The following LRRC19 variants were observed in gnomAD, a reference collection of about 807,000 sequenced individuals.
The protein encoded by LRRC19 is leucine rich repeat containing 19, also known as leucine-rich repeat-containing protein 19.
Under a neutral mutation model 33.3 loss-of-function variants are expected in LRRC19, and 33 were observed. The ratio of observed to expected loss-of-function variants is 0.99; its 90% confidence interval spans 0.75 to 1.33. LRRC19 has a LOEUF of 1.33. LRRC19 is among the 40% of genes most tolerant of loss of function. LRRC19 has a pLI of 0.00. For missense variants in LRRC19, 463 were observed against 417.3 expected (o/e 1.11, Z -0.95); for synonymous variants, 184 against 152.3 (o/e 1.21, Z -1.53).
chr9:26,993,440 A>C lies in LRRC19; in HGVS notation c.*2081T>G, dbSNP rs1827978273. 1 of 152,544 alleles carries C rather than the reference A, an allele frequency of 6.6e-6. No individual in the cohort carries two copies. The highest frequency in any genetic ancestry group is 1.5e-5 in the Non-Finnish European group (1 of 68,004). 9.4% of individuals were successfully genotyped at this position (152,544 alleles called of 1,614,324 possible). A position where few individuals can be genotyped will look rare whatever the true frequency, so the allele number is the denominator to read the frequency against. On this transcript the variant is annotated 3_prime_UTR_variant, in exon 5 of 5. Coordinates refer to ENST00000380055, the MANE Select transcript of LRRC19 (RefSeq NM_022901.3). ...TATACTTATATCCTTTGTTGAAAACATGTGTCTGTAAACACAAGCAAATAT... is the reference window on the plus strand; with the variant it reads ...TATACTTATATCCTTTGTTGAAAACCTGTGTCTGTAAACACAAGCAAATAT...
chr9:26,999,463 A>G (rs575668839), intron 2 of LRRC19, 151 bp downstream of exon 2: 27 of 444,590 alleles, frequency 6.1e-5, no homozygotes, highest in Non-Finnish European at 1.0e-4. Flanking sequence ...TGCTTTTGTC[A>G]AATTGGAATT....
At chr9:27,003,769 G>A (rs1828629456) in intron 1 of LRRC19, among the ~76,000 whole-genome samples, 1 of 152,196 alleles carries the variant, frequency 6.6e-6, no homozygotes, top group African/African-American at 2.4e-5. Flanking sequence ...AAATTTGGAT[G>A]TAGATCATAA....
At position 26,995,860 on chromosome 9, in the gene LRRC19, A is replaced by AAAGT; in HGVS notation, c.785-12_785-11insACTT. Reference sequence around the variant, plus strand: ...CAAGAGGTTCATGTTCTTTAATGGAATACCAAGAGAGGAGAGAGAAAGAAA... The same window carrying AAAGT: ...CAAGAGGTTCATGTTCTTTAATGGAAAAGTTACCAAGAGAGGAGAGAGAAAGAAA... On this transcript the variant is annotated splice_polypyrimidine_tract_variant and intron_variant, in intron 4 of 4. Coordinates refer to ENST00000380055, the MANE Select transcript of LRRC19 (RefSeq NM_022901.3). 5 of 1,573,112 alleles carry AAAGT rather than the reference A, an allele frequency of 3.2e-6. No individual in the cohort carries two copies. Among genetic ancestry groups the AAAGT allele is most frequent in the Non-Finnish European group, 4.3e-6 (5 of 1,160,492 alleles).
intron 2 of LRRC19, 34 bp from the exon 3 acceptor site, chr9:26,998,275 GA>G (rs745958654): frequency 4.5e-5 from 55 of 1,212,604 alleles, no homozygotes; most frequent in African/African-American, 9.4e-5. Context: ...GCATTAATCA[GA>G]AAAAAAATTA....
In LRRC19 at chr9:26,998,160, T is replaced by G; in HGVS notation, c.163A>C (p.Ser55Arg). 3 of 1,600,134 alleles carry G rather than the reference T, an allele frequency of 1.9e-6. No individual in the cohort carries two copies. The highest frequency in any genetic ancestry group is 2.6e-6 in the Non-Finnish European group (3 of 1,169,816). ...CCATTAAGAGTAATTTGGTTATAAC[T>G]GAGATCAAGTATAGTAACATCTTTC... is the stretch of plus-strand genomic sequence containing the variant. The part of the protein sequence containing the change: ...IKKDVTILDL[S>R]YNQITLNGTD... Residue 55 changes from serine (S) to arginine (R), a missense_variant, in exon 3 of 5, where the codon AGT becomes CGT. Coordinates refer to ENST00000380055, the MANE Select transcript of LRRC19 (RefSeq NM_022901.3).
In LRRC19 at chr9:26,997,925, A is replaced by G. The variant is rs775333943; in HGVS notation, c.398T>C (p.Ile133Thr). The G allele has an allele frequency of 2.5e-6, 4 of 1,613,976 alleles. No individual in the cohort carries two copies. The highest frequency in any genetic ancestry group is 2.2e-5 in the East Asian group (1 of 44,858). ...LKQLYLCQNK[I>T]EQLNADVFVP... The stretch of plus-strand genomic sequence containing the variant: ...AAATACATCAGCATTCAGTTGTTCT[A>G]TTTTGTTTTGGCAGAGATATAACTG... The change falls in exon 3 of 5, where the codon ATA becomes ACA. Residue 133 changes from isoleucine (I) to threonine (T), a missense_variant. Transcript: ENST00000380055.
chr9:26,995,836 A>G lies in LRRC19; in HGVS notation c.798T>C (p.Leu266=). The G allele has an allele frequency of 6.2e-7, 1 of 1,603,746 alleles. No homozygotes were observed. Among genetic ancestry groups the G allele is most frequent in the Non-Finnish European group, 8.5e-7 (1 of 1,174,912 alleles). Residue 266 remains leucine (L), a synonymous_variant, in exon 5 of 5, where the codon CTT becomes CTC. Transcript: ENST00000380055. ...NLTRNSEHEP[L]GKSWAFLVGV... is the part of the protein sequence containing the mutation. ...CAACAAGAAAAGCCCAACTTTTTCC[A>G]AGAGGTTCATGTTCTTTAATGGAAT...
In LRRC19 at chr9:26,998,058, G is replaced by T; in HGVS notation, c.265C>A (p.His89Asn). ...YLIENKVTIL[H>N]NNGFGNLSSL... ...GAGAGGTTACCAAAACCGTTATTAT[G>T]TAAGATAGTAACCTTGTTCTCAATC... The change falls in exon 3 of 5, where the codon CAT becomes AAT. Residue 89 changes from histidine to asparagine, a missense_variant. His to Asn is a moderately conservative substitution (Grantham distance 68, BLOSUM62 1). Transcript: ENST00000380055. 1 of 1,612,824 alleles carries T rather than the reference G, an allele frequency of 6.2e-7. No homozygotes were observed. The highest frequency in any genetic ancestry group is 8.5e-7 in the Non-Finnish European group (1 of 1,179,012).
Position 26,993,822 on chromosome 9 carries a change from C to T in LRRC19, c.*1699G>A, listed in dbSNP as rs987893306. On this transcript the variant is annotated 3_prime_UTR_variant, in exon 5 of 5. Transcript: ENST00000380055. Reference sequence around the variant, plus strand: ...TACCTCTAGCCACTGTTCCATTCCACGTGTTATAATGAAGAAAATACCAGA... The same window carrying T: ...TACCTCTAGCCACTGTTCCATTCCATGTGTTATAATGAAGAAAATACCAGA... 9 of 152,020 alleles carry T rather than the reference C, an allele frequency of 5.9e-5. No individual in the cohort carries two copies. Among genetic ancestry groups the T allele is most frequent in the African/African-American group, 1.7e-4 (7 of 41,388 alleles). The allele number at this position is 152,020 out of a possible 1,614,324, so 9.4% of individuals were successfully genotyped here. A position where few individuals can be genotyped will look rare whatever the true frequency, so the allele number is the denominator to read the frequency against.
Position 26,996,510 on chromosome 9 carries a change from A to C in LRRC19, c.596-11T>G, listed in dbSNP as rs1828166920. Reference sequence around the variant, plus strand: ...TGATGTTCTCATTTTCTAGTAAATCAGAAAGAATAAGATTTAGTATAGAGA... The same window carrying C: ...TGATGTTCTCATTTTCTAGTAAATCCGAAAGAATAAGATTTAGTATAGAGA... On this transcript the variant is annotated splice_polypyrimidine_tract_variant and intron_variant, in intron 3 of 4. Coordinates refer to ENST00000380055, the MANE Select transcript of LRRC19 (RefSeq NM_022901.3). 2.1e-6 allele frequency: 3 copies of C among 1,413,896 alleles called. No homozygotes were observed. The highest frequency in any genetic ancestry group is 2.8e-6 in the Non-Finnish European group (3 of 1,069,248). The allele number at this position is 1,413,896 out of a possible 1,614,324, so 87.6% of individuals were successfully genotyped here.
At chr9:27,002,951 C>T (rs1202760560) in intron 1 of LRRC19, among the ~76,000 whole-genome samples, 1 of 151,866 alleles carries the variant, frequency 6.6e-6, no homozygotes, top group Non-Finnish European at 1.5e-5. Flanking sequence ...TTTGTATCCT[C>T]TTCAGTTTCT....
In LRRC19 at chr9:26,996,250, T is replaced by C. The variant is rs955163715; in HGVS notation, c.784+61A>G. On this transcript the variant is annotated intron_variant, in intron 4 of 4. Transcript: ENST00000380055. ...TATACAAATTTAAAATAAAGATAAC[T>C]ACCTCAGTTTATTTAGTATGATACA... The C allele has an allele frequency of 5.3e-6, 5 of 936,392 alleles. No homozygotes were observed. In the African/African-American group the frequency reaches 6.8e-5, roughly 13 times the overall value. 58.0% of individuals were successfully genotyped at this position (936,392 alleles called of 1,614,324 possible). A position where few individuals can be genotyped will look rare whatever the true frequency, so the allele number is the denominator to read the frequency against.
chr9:26,995,966 A>C, intron 4 of LRRC19, 117 bp from the exon 5 acceptor site: 1 of 756,614 alleles, frequency 1.3e-6, no homozygotes, highest in Non-Finnish European at 2.0e-6. Context: ...CATACATTGT[A>C]GTTTTCTTTA....
At chr9:26,999,446 T>C (rs978930718) in intron 2 of LRRC19, among the ~76,000 whole-genome samples, 168 bp downstream of exon 2, 2 of 152,200 alleles carry the variant, frequency 1.3e-5, no homozygotes. Flanking sequence ...TTTTTATAAA[T>C]GAAGGCTGCT....
Sources: allele counts gnomAD v4.1 joint callset (sites outside exome capture counted in the v4.1 genomes callset), GRCh38; gene constraint gnomAD v4.1.1; transcripts MANE v1.5; gene names NCBI Gene and HGNC (gene_info 2026-07-23, HGNC 2026-07-21).